STPG2: variants seen among roughly 807,000 people sequenced by gnomAD.
STPG2 encodes the protein sperm-tail PG-rich repeat-containing protein 2.
Under a neutral mutation model 54.2 loss-of-function variants are expected in STPG2, and 56 were observed. The ratio of observed to expected loss-of-function variants is 1.03; its 90% CI spans 0.83 to 1.29. The LOEUF (loss-of-function observed/expected upper bound fraction) is 1.29. Among genes scored for constraint, STPG2 ranks in the 50% most tolerant of loss-of-function variants. The probability of loss-of-function intolerance (pLI) is 0.00; values close to 1 mark genes in which losing one functional copy is unlikely to be tolerated. For synonymous variants in STPG2, 200 were observed against 181.8 expected (o/e 1.10, Z -0.81); for missense variants, 596 against 544.9 (o/e 1.09, Z -0.93).
chr4:98,083,809 GT>G (rs1261456990), intron 5 of STPG2, among the ~76,000 whole-genome samples: 1 of 152,100 alleles, frequency 6.6e-6, no homozygotes, highest in Non-Finnish European at 1.5e-5. Flanking sequence ...CACCTCAAAA[GT>G]TTCCGTGTGC....
intron 5 of STPG2, among the ~76,000 whole-genome samples, chr4:98,059,087 A>G (rs1204221952): frequency 6.6e-6 from 1 of 151,970 alleles, no homozygotes; most frequent in Non-Finnish European, 1.5e-5. Context: ...AGTAAGATAG[A>G]TAGGCCGCTA....
At chr4:97,543,525 A>G (rs975677957) in intron 4 of STPG2, among the ~76,000 whole-genome samples, 6 of 152,092 alleles carry the variant, frequency 3.9e-5, no homozygotes, top group Non-Finnish European at 7.4e-5. Flanking sequence ...ATATTAATAA[A>G]TGAAGAAACA....
At chr4:97,978,423 A>G (rs1734563961) in intron 6 of STPG2, among the ~76,000 whole-genome samples, 2 of 152,192 alleles carry the variant, frequency 1.3e-5, no homozygotes, top group Non-Finnish European at 2.9e-5. Context: ...AAAACCAAAT[A>G]CCACATGTTT....
chr4:97,619,467 A>G (rs1733951642), intron 10 of STPG2, among the ~76,000 whole-genome samples: 1 of 151,144 alleles, frequency 6.6e-6, no homozygotes, highest in Non-Finnish European at 1.5e-5. Context: ...CTAGAGAACT[A>G]TTATATGTTT....
At chr4:97,467,235 T>G (rs1187468281) in intron 4 of STPG2, among the ~76,000 whole-genome samples, 3 of 151,968 alleles carry the variant, frequency 2.0e-5, no homozygotes, top group Non-Finnish European at 4.4e-5. Flanking sequence ...TTCATTTTCA[T>G]GGCAATCATA....
At chr4:97,535,888 C>A (rs1731517235) in intron 4 of STPG2, among the ~76,000 whole-genome samples, 1 of 152,158 alleles carries the variant, frequency 6.6e-6, no homozygotes, top group Non-Finnish European at 1.5e-5. Flanking sequence ...TATTGCTCTG[C>A]AAGTCACTGG....
chr4:97,496,633 G>GT (rs544569837), intron 4 of STPG2, among the ~76,000 whole-genome samples: 56 of 151,830 alleles, frequency 3.7e-4, no homozygotes, highest in African/African-American at 1.4e-3. Flanking sequence ...ATCATAACGT[G>GT]TACCCCCTAT....
chr4:98,060,904 T>C (rs977840235), intron 5 of STPG2, among the ~76,000 whole-genome samples: 3 of 152,104 alleles, frequency 2.0e-5, no homozygotes, highest in African/African-American at 7.2e-5. Context: ...TTTTGCCATA[T>C]ACAAAAACTA....
intron 4 of STPG2, among the ~76,000 whole-genome samples, chr4:97,551,858 G>A (rs969169515): frequency 6.6e-6 from 1 of 152,134 alleles, no homozygotes; most frequent in African/African-American, 2.4e-5. Flanking sequence ...GGACTGGGGG[G>A]TGTCTCACAT....
intron 4 of STPG2, among the ~76,000 whole-genome samples, chr4:97,553,405 A>C (rs1407363938): frequency 6.6e-6 from 1 of 152,162 alleles, no homozygotes; most frequent in Non-Finnish European, 1.5e-5. Flanking sequence ...GTTAAATATT[A>C]CTACATTTCT....
intron 8 of STPG2, among the ~76,000 whole-genome samples, chr4:97,868,036 C>A (rs1729856035): frequency 6.6e-6 from 1 of 151,834 alleles, no homozygotes; most frequent in South Asian, 2.1e-4. Context: ...AAGTATCTGC[C>A]ACACATATTC....
At chr4:97,565,799 G>C (rs989655423) in intron 10 of STPG2, among the ~76,000 whole-genome samples, 25 of 152,114 alleles carry the variant, frequency 1.6e-4, no homozygotes, top group African/African-American at 6.0e-4. Context: ...TGGAAGTTTT[G>C]TCTCAGAGGA....
At chr4:97,472,258 C>A in intron 4 of STPG2, among the ~76,000 whole-genome samples, 1 of 152,168 alleles carries the variant, frequency 6.6e-6, no homozygotes, top group Non-Finnish European at 1.5e-5. Flanking sequence ...AAAATCTGAA[C>A]TGTAATTGAT....
At chr4:97,874,713 T>C (rs976044341) in intron 8 of STPG2, among the ~76,000 whole-genome samples, 1 of 151,820 alleles carries the variant, frequency 6.6e-6, no homozygotes, top group Admixed American at 6.6e-5. Context: ...TCCTATGGAC[T>C]CAATGTGCCC....
At chr4:97,565,320 T>C (rs983071583) in intron 10 of STPG2, among the ~76,000 whole-genome samples, 3 of 152,340 alleles carry the variant, frequency 2.0e-5, no homozygotes, top group East Asian at 1.9e-4. Context: ...TTGGTTATTA[T>C]AGTTATACAT....
intron 5 of STPG2, among the ~76,000 whole-genome samples, chr4:98,016,566 G>C (rs1486301394): frequency 6.6e-6 from 1 of 151,914 alleles, no homozygotes; most frequent in East Asian, 1.9e-4. Context: ...GAATTTTTTA[G>C]TTCAGTCATT....
In STPG2 at chr4:98,079,632, AT is replaced by A. The variant is rs33966952; in HGVS notation, c.612+26320del. Among the ~76,000 whole-genome samples the A allele has an allele frequency of 2.8e-3, 428 of 152,312 alleles. 3 individuals carry two copies. Among genetic ancestry groups the A allele is most frequent in the African/African-American group, 9.7e-3 (404 of 41,570 alleles). ...ATTGTTTATTAGATTGTCTTTAAAA[AT>A]AACCTTGCTAGCATTTTTGAGAAAT... On this transcript the variant is annotated intron_variant, in intron 5 of 10. Coordinates refer to ENST00000295268, the MANE Select transcript of STPG2 (RefSeq NM_174952.3).
intron 10 of STPG2, among the ~76,000 whole-genome samples, chr4:97,631,805 A>T (rs1721290453): frequency 6.6e-6 from 1 of 152,148 alleles, no homozygotes; most frequent in South Asian, 2.1e-4. Context: ...GAGCAGTACC[A>T]TTAACCTGTG....
intron 10 of STPG2, among the ~76,000 whole-genome samples, chr4:97,659,093 G>A (rs1248824074): frequency 3.9e-5 from 6 of 151,948 alleles, no homozygotes; most frequent in African/African-American, 1.5e-4. Flanking sequence ...AGCTCTTAGA[G>A]GTCCTCAATA....
Sources: gnomAD v4.1 joint callset for allele counts (sites outside exome capture counted in the v4.1 genomes callset) on GRCh38, gnomAD v4.1.1 for gene constraint, MANE v1.5 for transcripts, NCBI Gene and HGNC (gene_info 2026-07-23, HGNC 2026-07-21) for gene names.